The following NLN variants were observed in gnomAD, a reference collection of about 807,000 sequenced individuals.
The protein encoded by NLN is neurolysin.
In NLN, 64 loss-of-function variants were observed where a neutral mutation model predicts 79.9. The observed-to-expected ratio is 0.80, with a 90% CI of 0.65 to 0.99. The LOEUF is 0.99. Among genes scored for constraint, NLN ranks in the 50% least tolerant of loss-of-function variants. NLN has a pLI of 0.00. For missense variants in NLN, 835 were observed against 858.7 expected (o/e 0.97, Z 0.34); for synonymous variants, 267 against 296.6 (o/e 0.90, Z 1.02).
Position 65,785,918 on chromosome 5 carries a change from C to CTTT in NLN, c.958+18_958+20dup. On this transcript the variant is annotated intron_variant, in intron 7 of 12. Transcript: ENST00000380985. Reference sequence around the variant, plus strand: ...GCGTAACAGCCTTTCTAGGTTAGTTCTTTTTTTTTTTTCTATGACTGTTTT... The same window carrying CTTT: ...GCGTAACAGCCTTTCTAGGTTAGTTCTTTTTTTTTTTTTTTCTATGACTGTTTT... 6 of 1,262,086 alleles carry CTTT rather than the reference C, an allele frequency of 4.8e-6. No homozygotes were observed. Among genetic ancestry groups the CTTT allele is most frequent in the Non-Finnish European group, 6.6e-6 (6 of 915,126 alleles). The allele number at this position is 1,262,086 out of a possible 1,614,324, so 78.2% of individuals were successfully genotyped here.
intron 7 of NLN, 141 bp from the exon 8 acceptor site, chr5:65,787,977 T>G (rs1759969682): frequency 6.4e-6 from 5 of 779,790 alleles, no homozygotes; most frequent in Non-Finnish European, 1.0e-5. Context: ...ACGTTTTTCC[T>G]CCTCCTTTAC....
intron 8 of NLN, among the ~76,000 whole-genome samples, chr5:65,789,086 T>C (rs887064508): frequency 1.3e-5 from 2 of 152,142 alleles, no homozygotes; most frequent in Non-Finnish European, 2.9e-5. Context: ...TGAGCTATTA[T>C]CACACTGCTG....
rs892628806 is a variant in NLN at position 65,800,544 on chromosome 5, G to A, written c.1527+7889G>A. 9.2e-5 allele frequency among the ~76,000 whole-genome samples: 14 copies of A among 152,156 alleles called. No homozygotes were observed. In the East Asian group the frequency reaches 1.7e-3, roughly 19 times the overall value. The stretch of plus-strand genomic sequence containing the variant: ...CAAAAAATTAGCTGGACATGGTGGC[G>A]GGCGCCTGTAGCCCCAGCTACTCGG... On this transcript the variant is annotated intron_variant, in intron 9 of 12. Coordinates refer to ENST00000380985, the MANE Select transcript of NLN (RefSeq NM_020726.5).
intron 8 of NLN, among the ~76,000 whole-genome samples, chr5:65,791,527 CA>C (rs1305743792): frequency 6.6e-6 from 1 of 152,116 alleles, no homozygotes; most frequent in African/African-American, 2.4e-5. Flanking sequence ...CACCGCACCC[CA>C]GCCTGGGCAA....
chr5:65,788,092 T>A (rs1430489211), intron 7 of NLN, 26 bp from the exon 8 acceptor site: 2 of 1,596,216 alleles, frequency 1.3e-6, no homozygotes, highest in Admixed American at 3.5e-5. Flanking sequence ...AGCAAGTAGA[T>A]CACTAACTTT....
At chr5:65,766,241 G>C (rs1214564262) in intron 3 of NLN, among the ~76,000 whole-genome samples, 1 of 152,186 alleles carries the variant, frequency 6.6e-6, no homozygotes, top group African/African-American at 2.4e-5. Flanking sequence ...GCTATAAAGA[G>C]TACCTGAGAC....
At chr5:65,774,925 A>G (rs1160859040) in intron 3 of NLN, among the ~76,000 whole-genome samples, 1 of 151,712 alleles carries the variant, frequency 6.6e-6, no homozygotes, top group Non-Finnish European at 1.5e-5. Context: ...GGGTTTTGCT[A>G]TGTTGGCCAT....
At chr5:65,802,243 T>A (rs1392693070) in intron 9 of NLN, among the ~76,000 whole-genome samples, 3 of 152,112 alleles carry the variant, frequency 2.0e-5, no homozygotes, top group Non-Finnish European at 4.4e-5. Context: ...AAGGGGTGCA[T>A]GAGTGAGCAA....
At chr5:65,796,230 C>T (rs1315565065) in intron 9 of NLN, among the ~76,000 whole-genome samples, 1 of 152,148 alleles carries the variant, frequency 6.6e-6, no homozygotes, top group Non-Finnish European at 1.5e-5. Context: ...GATGCATGTT[C>T]GTTTTTCAGG....
chr5:65,800,054 C>T (rs182634134), intron 9 of NLN, among the ~76,000 whole-genome samples: 52 of 152,296 alleles, frequency 3.4e-4, no homozygotes, highest in Non-Finnish European at 6.3e-4. Flanking sequence ...TGTCAGGTCT[C>T]CTGAGGCCTG....
intron 1 of NLN, among the ~76,000 whole-genome samples, chr5:65,741,378 A>G (rs1758865665): frequency 6.6e-6 from 1 of 152,172 alleles, no homozygotes; most frequent in Non-Finnish European, 1.5e-5. Flanking sequence ...TCAAAAACAT[A>G]ATCATAATAC....
chr5:65,794,225 C>A (rs1760124087), intron 9 of NLN, among the ~76,000 whole-genome samples: 1 of 152,132 alleles, frequency 6.6e-6, no homozygotes, highest in South Asian at 2.1e-4. Context: ...ATGATGAACA[C>A]CTCCTGGGAA....
chr5:65,789,773 G>A (rs537194267), intron 8 of NLN, among the ~76,000 whole-genome samples: 43 of 152,256 alleles, frequency 2.8e-4, no homozygotes, highest in Non-Finnish European at 5.1e-4. Context: ...ATAAAATTGA[G>A]CACCAAAATA....
chr5:65,745,858 C>T lies in NLN; in HGVS notation c.42-12709C>T, dbSNP rs80186027. Among the ~76,000 whole-genome samples, 388 of 152,248 alleles carry T rather than the reference C, an allele frequency of 2.5e-3. 6 individuals carry two copies. The highest frequency in any genetic ancestry group is 0.016 in the East Asian group (82 of 5,188). On this transcript the variant is annotated intron_variant, in intron 1 of 12. Coordinates refer to ENST00000380985, the MANE Select transcript of NLN (RefSeq NM_020726.5). ...TCTGGAGAACAGATTAGAAAGCATC[C>T]AGAACCTCCCGGGTTTCTGATTTGG...
chr5:65,797,999 A>G (rs1760206005), intron 9 of NLN, among the ~76,000 whole-genome samples: 1 of 152,194 alleles, frequency 6.6e-6, no homozygotes, highest in Non-Finnish European at 1.5e-5. Flanking sequence ...GGAGTGATGG[A>G]GGATTAGCTG....
chr5:65,766,786 C>T (rs548762463), intron 3 of NLN, among the ~76,000 whole-genome samples: 28 of 152,346 alleles, frequency 1.8e-4, no homozygotes, highest in Middle Eastern at 3.4e-3. Context: ...AGTGTGGGTA[C>T]AGGCGTTGGG....
chr5:65,810,547 T>C (rs1055898619), intron 11 of NLN, among the ~76,000 whole-genome samples: 1 of 152,232 alleles, frequency 6.6e-6, no homozygotes. Flanking sequence ...CCTTTACATA[T>C]AGTATTTTGT....
chr5:65,800,258 T>C (rs551915224), intron 9 of NLN, among the ~76,000 whole-genome samples: 3 of 152,368 alleles, frequency 2.0e-5, no homozygotes, highest in Non-Finnish European at 4.4e-5. Flanking sequence ...CTTCAATTTA[T>C]ATGATTCTGT....
At chr5:65,732,646 G>A (rs1366201750) in intron 1 of NLN, among the ~76,000 whole-genome samples, 4 of 143,682 alleles carry the variant, frequency 2.8e-5, no homozygotes, top group South Asian at 2.2e-4. Context: ...TTGCAGACGC[G>A]GGCACGTCAG....
Sources: allele counts gnomAD v4.1 joint callset (sites outside exome capture counted in the v4.1 genomes callset), GRCh38; gene constraint gnomAD v4.1.1; transcripts MANE v1.5; gene names NCBI Gene and HGNC (gene_info 2026-07-23, HGNC 2026-07-21).